ELAVL2: variants seen among roughly 807,000 people sequenced by gnomAD.
ELAVL2 encodes ELAV like RNA binding protein 2.
ELAVL2 carries 4 observed loss-of-function variants against 34.6 expected under a neutral mutation model. The observed-to-expected ratio is 0.12, with a 90% CI of 0.06 to 0.26. ELAVL2 has a LOEUF of 0.26. Among genes scored for constraint, ELAVL2 ranks in the 10% least tolerant of loss-of-function variants. The probability of loss-of-function intolerance (pLI) is 1.00; values close to 1 mark genes in which losing one functional copy is unlikely to be tolerated. For synonymous variants in ELAVL2, 193 were observed against 154.8 expected, an observed-to-expected ratio of 1.25 and a Z score of -1.83; for missense variants, 432 against 442.8, an observed-to-expected ratio of 0.98 and a Z score of 0.22.
rs911220238 is a variant in ELAVL2, at chr9:23,692,160, AGG to A, written c.*395_*396del. On this transcript the variant is annotated 3_prime_UTR_variant, in exon 7 of 7. Coordinates refer to ENST00000397312, the MANE Select transcript of ELAVL2 (RefSeq NM_004432.5). ...AAAGCTAATCAGAAAAAGGAAAAAA[AGG>A]GGGGAAAAAAAAGACACAACCAACT... The A allele has an allele frequency of 1.2e-5, 2 of 163,972 alleles. No individual in the cohort carries two copies. The highest frequency in any genetic ancestry group is 4.8e-5 in the African/African-American group (2 of 41,724). The allele number at this position is 163,972 out of a possible 1,614,324, so 10.2% of individuals were successfully genotyped here.
At chr9:23,743,539 G>A (rs529519633) in intron 2 of ELAVL2, among the ~76,000 whole-genome samples, 4 of 152,148 alleles carry the variant, frequency 2.6e-5, no homozygotes, top group African/African-American at 7.2e-5. Context: ...ACAGAGGCTT[G>A]TCTTGTCTTT....
chr9:23,796,438 T>C (rs2060938635), intron 1 of ELAVL2, among the ~76,000 whole-genome samples: 1 of 152,236 alleles, frequency 6.6e-6, no homozygotes, highest in Non-Finnish European at 1.5e-5. Context: ...AAAATCAATC[T>C]TTTCAGTCAG....
chr9:23,703,973 C>T (rs1218261833), intron 4 of ELAVL2, among the ~76,000 whole-genome samples: 1 of 151,984 alleles, frequency 6.6e-6, no homozygotes, highest in Non-Finnish European at 1.5e-5. Context: ...TTGCCCATTG[C>T]CCAGGCTGGA....
intron 2 of ELAVL2, among the ~76,000 whole-genome samples, chr9:23,733,254 A>G (rs1209240279): frequency 6.6e-6 from 1 of 151,824 alleles, no homozygotes; most frequent in Non-Finnish European, 1.5e-5. Context: ...ATATATACAT[A>G]TATGTGTGTT....
chr9:23,789,738 T>TCCC (rs2060117847), intron 1 of ELAVL2, among the ~76,000 whole-genome samples: 1 of 152,112 alleles, frequency 6.6e-6, no homozygotes, highest in South Asian at 2.1e-4. Context: ...ATCACATATC[T>TCCC]CCCTTCCCCA....
intron 4 of ELAVL2, 148 bp downstream of exon 4, chr9:23,704,770 G>C: frequency 9.9e-7 from 1 of 1,008,060 alleles, no homozygotes; most frequent in Non-Finnish European, 1.5e-6. Flanking sequence ...GCATATTTAT[G>C]AACAATTCCA....
chr9:23,757,091 G>T lies in ELAVL2; in HGVS notation c.229+4915C>A, dbSNP rs1354721833. On this transcript the variant is annotated intron_variant, in intron 2 of 6. Coordinates refer to ENST00000397312, the MANE Select transcript of ELAVL2 (RefSeq NM_004432.5). ...AGGTGAGGATGTAGAGCCAAATTTG[G>T]GTACCACCGGGCTAGAATATCAAGT... Among the ~76,000 whole-genome samples, 4 of 151,998 alleles carry T rather than the reference G, an allele frequency of 2.6e-5. No individual in the cohort carries two copies. The South Asian group carries it at 6.2e-4, about 24-fold the overall frequency.
chr9:23,725,274 T>C lies in ELAVL2; in HGVS notation c.333+5748A>G, dbSNP rs151277647. ...TACATGCGCACCCAGAACACACTTC[T>C]ATAACGCATAACTCAGGCTCATTTC... On this transcript the variant is annotated intron_variant, in intron 3 of 6. Coordinates refer to ENST00000397312, the MANE Select transcript of ELAVL2 (RefSeq NM_004432.5). Among the ~76,000 whole-genome samples, 371 of 152,278 alleles carry C rather than the reference T, an allele frequency of 2.4e-3. 2 individuals carry two copies. Among genetic ancestry groups the C allele is most frequent in the Middle Eastern group, 0.024 (7 of 294 alleles).
intron 3 of ELAVL2, among the ~76,000 whole-genome samples, chr9:23,708,516 G>A (rs1362337011): frequency 6.6e-6 from 1 of 152,180 alleles, no homozygotes. Context: ...TGGTAAGTGA[G>A]TGTTTCAGTT....
At chr9:23,796,886 A>G (rs938298483) in intron 1 of ELAVL2, among the ~76,000 whole-genome samples, 27 of 152,326 alleles carry the variant, frequency 1.8e-4, no homozygotes, top group African/African-American at 6.3e-4. Context: ...TGACTTGCTT[A>G]TCTCTTCATT....
chr9:23,824,575 C>A (rs2065167847), intron 1 of ELAVL2, among the ~76,000 whole-genome samples: 1 of 152,164 alleles, frequency 6.6e-6, no homozygotes, highest in East Asian at 1.9e-4. Context: ...CACCCACACC[C>A]CCTCGTGCCA....
At chr9:23,704,393 A>T (rs1285779712) in intron 4 of ELAVL2, among the ~76,000 whole-genome samples, 1 of 152,188 alleles carries the variant, frequency 6.6e-6, no homozygotes, top group East Asian at 1.9e-4. Context: ...CAGTTGGGCT[A>T]ACAGTGATAT....
chr9:23,801,113 C>A (rs967926358), intron 1 of ELAVL2, among the ~76,000 whole-genome samples: 2 of 152,186 alleles, frequency 1.3e-5, no homozygotes, highest in Non-Finnish European at 2.9e-5. Context: ...CTAACAGACA[C>A]AGAAGCCCTC....
intron 2 of ELAVL2, among the ~76,000 whole-genome samples, chr9:23,758,384 A>T (rs770332431): frequency 6.6e-6 from 1 of 151,988 alleles, no homozygotes; most frequent in African/African-American, 2.4e-5. Context: ...TCAGTAAGAA[A>T]CTCAGAAAAA....
In ELAVL2 at chr9:23,759,631, T is replaced by A. The variant is rs534837139; in HGVS notation, c.229+2375A>T. Among the ~76,000 whole-genome samples the A allele has an allele frequency of 1.2e-4, 18 of 151,186 alleles. No homozygotes were observed. In the East Asian group the frequency reaches 3.5e-3, roughly 29 times the overall value. ...CCCTGCTTGATCATTACACAATGTATATAGCATCAAAACATCTCACTGTAC... is the reference window on the plus strand; with the variant it reads ...CCCTGCTTGATCATTACACAATGTAAATAGCATCAAAACATCTCACTGTAC... On this transcript the variant is annotated intron_variant, in intron 2 of 6. Coordinates refer to ENST00000397312, the MANE Select transcript of ELAVL2 (RefSeq NM_004432.5).
intron 2 of ELAVL2, among the ~76,000 whole-genome samples, chr9:23,748,886 A>G (rs1451563236): frequency 6.6e-6 from 1 of 152,146 alleles, no homozygotes; most frequent in African/African-American, 2.4e-5. Flanking sequence ...TTGGTATATC[A>G]AATGTTGTAT....
At chr9:23,797,804 T>G (rs913444072) in intron 1 of ELAVL2, among the ~76,000 whole-genome samples, 1 of 152,210 alleles carries the variant, frequency 6.6e-6, no homozygotes, top group African/African-American at 2.4e-5. Flanking sequence ...GGCGCATGCC[T>G]GTAATCCGAG....
chr9:23,802,640 G>T (rs575245864), intron 1 of ELAVL2, among the ~76,000 whole-genome samples: 9 of 152,284 alleles, frequency 5.9e-5, no homozygotes, highest in African/African-American at 1.9e-4. Flanking sequence ...GGGAACCTAA[G>T]AGTCCTCTGA....
At chr9:23,772,756 G>T (rs1406692254) in intron 1 of ELAVL2, among the ~76,000 whole-genome samples, 1 of 151,992 alleles carries the variant, frequency 6.6e-6, no homozygotes. Context: ...TCAATTACTG[G>T]TATTCACCTA....
Sources: gnomAD v4.1 joint callset for allele counts (sites outside exome capture counted in the v4.1 genomes callset) on GRCh38, gnomAD v4.1.1 for gene constraint, MANE v1.5 for transcripts, NCBI Gene and HGNC (gene_info 2026-07-23, HGNC 2026-07-21) for gene names.